MKRN2: variants seen among roughly 807,000 people sequenced by gnomAD.
The protein encoded by MKRN2 is makorin ring finger protein 2, also known as E3 ubiquitin-protein ligase makorin-2.
In MKRN2, 32 loss-of-function variants were observed where a neutral mutation model predicts 45.4. The ratio of observed to expected loss-of-function variants is 0.70; its 90% CI spans 0.53 to 0.95. The LOEUF is 0.95. Ranked by LOEUF, MKRN2 falls within the 40% of genes least tolerant of loss-of-function variation. The probability of loss-of-function intolerance (pLI) is 0.00; values close to 1 mark genes in which losing one functional copy is unlikely to be tolerated. For missense variants in MKRN2, 526 were observed against 536.7 expected, an observed-to-expected ratio of 0.98 and a Z score of 0.20; for synonymous variants, 206 against 192.4, an observed-to-expected ratio of 1.07 and a Z score of -0.59.
rs182707201 is a variant in MKRN2 at position 12,567,021 on chromosome 3, C to A, written c.27-1854C>A. On this transcript the variant is annotated intron_variant, in intron 1 of 7. Coordinates refer to ENST00000170447, the MANE Select transcript of MKRN2 (RefSeq NM_014160.5). Reference sequence around the variant, plus strand: ...TCTTAAGGTCTTATTTTGCTGATTCCATCATCTCTGTAATTCCTGTTCTTT... The same window carrying A: ...TCTTAAGGTCTTATTTTGCTGATTCAATCATCTCTGTAATTCCTGTTCTTT... 5.3e-5 allele frequency among the ~76,000 whole-genome samples: 8 copies of A among 152,214 alleles called. No homozygotes were observed. In the East Asian group the frequency reaches 1.2e-3, roughly 22 times the overall value.
intron 1 of MKRN2, among the ~76,000 whole-genome samples, chr3:12,564,435 C>G (rs2058058757): frequency 6.6e-6 from 1 of 152,082 alleles, no homozygotes; most frequent in African/African-American, 2.4e-5. Flanking sequence ...ATACCTAGTC[C>G]ATACTCACAT....
chr3:12,572,163 G>T lies in MKRN2; in HGVS notation c.432G>T (p.Pro144=), dbSNP rs561540465. 1.2e-6 allele frequency: 2 copies of T among 1,614,132 alleles called. No homozygotes were observed. The highest frequency in any genetic ancestry group is 1.3e-5 in the African/African-American group (1 of 75,042). Residue 144 remains proline, a synonymous_variant, in exon 4 of 8, where the codon CCG becomes CCT. Transcript: ENST00000170447. ...CCCAGCCCAGCCCCGAGATGAAGCC[G>T]CATTCCTACCTGGATGCCATCAGGA... ...SDPQPSPEMK[P]HSYLDAIRSG...
intron 1 of MKRN2, 117 bp from the exon 2 acceptor site, chr3:12,568,758 G>C (rs2058082592): frequency 2.2e-6 from 3 of 1,356,686 alleles, no homozygotes; most frequent in Non-Finnish European, 3.0e-6. Context: ...GTGCCTAATA[G>C]AGCCTTTATA....
chr3:12,570,599 G>A (rs1165894906), intron 3 of MKRN2, among the ~76,000 whole-genome samples: 1 of 152,084 alleles, frequency 6.6e-6, no homozygotes, highest in Non-Finnish European at 1.5e-5. Context: ...TATTTTGTCT[G>A]GGTAAAGTGG....
In MKRN2 at chr3:12,582,979, G is replaced by A. The variant is rs545668085; in HGVS notation, c.*726G>A. ...GTCTGGCCCTCCTGTCGTCTGGTTG[G>A]TGTTGGGGCCTCCAGCCAGGGCCCT... On this transcript the variant is annotated 3_prime_UTR_variant, in exon 8 of 8. Coordinates refer to ENST00000170447, the MANE Select transcript of MKRN2 (RefSeq NM_014160.5). 5 of 152,378 alleles carry A rather than the reference G, an allele frequency of 3.3e-5. No homozygotes were observed. The highest frequency in any genetic ancestry group is 9.6e-5 in the African/African-American group (4 of 41,560). 9.4% of individuals were successfully genotyped at this position (152,378 alleles called of 1,614,324 possible).
chr3:12,567,038 C>T (rs1013333536), intron 1 of MKRN2, among the ~76,000 whole-genome samples: 3 of 151,988 alleles, frequency 2.0e-5, no homozygotes, highest in Non-Finnish European at 4.4e-5. Flanking sequence ...TCTGTAATTC[C>T]TGTTCTTTAT....
At chr3:12,563,356 A>G (rs974098495) in intron 1 of MKRN2, among the ~76,000 whole-genome samples, 1 of 152,144 alleles carries the variant, frequency 6.6e-6, no homozygotes, top group Non-Finnish European at 1.5e-5. Context: ...TGGAGAAGTC[A>G]GAGGTTTCTG....
At chr3:12,566,834 C>T (rs1013260208) in intron 1 of MKRN2, among the ~76,000 whole-genome samples, 1 of 152,040 alleles carries the variant, frequency 6.6e-6, no homozygotes, top group African/African-American at 2.4e-5. Flanking sequence ...AACTCCTGAC[C>T]TCTGGTCATC....
chr3:12,565,524 C>CT (rs10598451), intron 1 of MKRN2, among the ~76,000 whole-genome samples: 1,406 of 91,984 alleles, frequency 0.015, 318 homozygotes, highest in South Asian at 0.031. Flanking sequence ...CCCAACTTAC[C>CT]TTTTTTTTTT....
intron 1 of MKRN2, among the ~76,000 whole-genome samples, chr3:12,567,799 C>T (rs2058077995): frequency 6.6e-6 from 1 of 152,056 alleles, no homozygotes; most frequent in African/African-American, 2.4e-5. Flanking sequence ...CCTAGTTTAT[C>T]TTTAATATCA....
chr3:12,571,650 T>C (rs1026817750), intron 3 of MKRN2, among the ~76,000 whole-genome samples: 1 of 152,192 alleles, frequency 6.6e-6, no homozygotes, highest in Non-Finnish European at 1.5e-5. Flanking sequence ...AGACATCTAT[T>C]CTAGTTCACT....
chr3:12,567,163 A>G (rs1164246637), intron 1 of MKRN2, among the ~76,000 whole-genome samples: 3 of 151,250 alleles, frequency 2.0e-5, no homozygotes, highest in Non-Finnish European at 4.4e-5. Flanking sequence ...GTCTTCCTTT[A>G]AAGTTTGTTT....
In MKRN2 at chr3:12,566,765, G is replaced by A. The variant is rs138710974; in HGVS notation, c.27-2110G>A. ...TTACAGGCACCTGCCACCACACCTG[G>A]CTAATTTTTGTATTTTTAATAGAGA... On this transcript the variant is annotated intron_variant, in intron 1 of 7. Coordinates refer to ENST00000170447, the MANE Select transcript of MKRN2 (RefSeq NM_014160.5). Among the ~76,000 whole-genome samples, 602 of 152,194 alleles carry A rather than the reference G, an allele frequency of 4.0e-3. 2 individuals are homozygous for A. Among genetic ancestry groups the A allele is most frequent in the Middle Eastern group, 0.014 (4 of 294 alleles).
intron 1 of MKRN2, among the ~76,000 whole-genome samples, chr3:12,559,576 C>T (rs1251163629): frequency 6.6e-6 from 1 of 152,086 alleles, no homozygotes; most frequent in Non-Finnish European, 1.5e-5. Flanking sequence ...TATGTATCTC[C>T]AAGAGTTGCT....
intron 6 of MKRN2, among the ~76,000 whole-genome samples, chr3:12,580,269 C>A (rs898815198): frequency 6.6e-6 from 1 of 152,216 alleles, no homozygotes; most frequent in African/African-American, 2.4e-5. Context: ...TGCTAGGATG[C>A]TCTGGAGTTG....
At chr3:12,582,075 T>A (rs752416587) in intron 7 of MKRN2, 41 bp from the exon 8 acceptor site, 1 of 1,613,758 alleles carries the variant, frequency 6.2e-7, no homozygotes, top group South Asian at 1.1e-5. Flanking sequence ...TTCCTGTTGC[T>A]CTTAGCAGTA....
chr3:12,569,971 TCAA>T, intron 2 of MKRN2, 97 bp from the exon 3 acceptor site: 1 of 1,187,598 alleles, frequency 8.4e-7, no homozygotes, highest in Non-Finnish European at 1.2e-6. Context: ...CTTCTTCACC[TCAA>T]CAAGTGCAGC....
chr3:12,573,042 C>G (rs2058109168), intron 4 of MKRN2, among the ~76,000 whole-genome samples: 1 of 152,220 alleles, frequency 6.6e-6, no homozygotes, highest in Non-Finnish European at 1.5e-5. Context: ...TCCTCCCTCC[C>G]TGGGTTCACA....
At chr3:12,567,211 G>GC (rs1553608007) in intron 1 of MKRN2, among the ~76,000 whole-genome samples, 2,161 of 139,488 alleles carry the variant, frequency 0.015, 52 homozygotes, top group African/African-American at 0.05. Context: ...ATCAGCTTGT[G>GC]TTTTTTTTTT....
Sources: gnomAD v4.1 joint callset for allele counts (sites outside exome capture counted in the v4.1 genomes callset) on GRCh38, gnomAD v4.1.1 for gene constraint, MANE v1.5 for transcripts, NCBI Gene and HGNC (gene_info 2026-07-23, HGNC 2026-07-21) for gene names.